HDAC4: variants seen among roughly 807,000 people sequenced by gnomAD.
HDAC4 encodes the protein histone deacetylase 4.
HDAC4 carries 16 observed loss-of-function variants against 135.1 expected under a neutral mutation model. The ratio of observed to expected loss-of-function variants is 0.12; its 90% confidence interval spans 0.08 to 0.18. The LOEUF (loss-of-function observed/expected upper bound fraction) is 0.18. HDAC4 is among the 10% of genes least tolerant of loss of function. The pLI is 1.00. For synonymous variants in HDAC4, 685 were observed against 653.4 expected (o/e 1.05, Z -0.74); for missense variants, 1,143 against 1,511.8 (o/e 0.76, Z 4.05).
At chr2:239,281,380 C>A (rs111162888) in intron 2 of HDAC4, among the ~76,000 whole-genome samples, 24 of 81,532 alleles carry the variant, frequency 2.9e-4, no homozygotes, top group East Asian at 1.7e-3. Flanking sequence ...CTCTACACAC[C>A]ATGTACATGC....
At chr2:239,323,152 T>A (rs1000841081) in intron 2 of HDAC4, among the ~76,000 whole-genome samples, 2 of 152,116 alleles carry the variant, frequency 1.3e-5, no homozygotes, top group African/African-American at 4.8e-5. Flanking sequence ...AAAATTTAAG[T>A]CCCATTAACA....
rs1232552702 is a variant in HDAC4, at chr2:239,053,110, T to G, written c.3257A>C (p.Glu1086Ala). Reference sequence around the variant, plus strand: ...TTCGAGGGAGTGCTACAGGGGCGGCTCCTCTTCCATGGGCTCCTCATCTGG... The same window carrying G: ...TTCGAGGGAGTGCTACAGGGGCGGCGCCTCTTCCATGGGCTCCTCATCTGG... Reference protein sequence around the residue: ...KRPDEEPMEEEPPL With the variant: ...KRPDEEPMEEAPPL The change falls in exon 27 of 27, where the codon GAG becomes GCG. Residue 1086 changes from glutamate to alanine, a missense_variant. Glu to Ala is a moderately radical substitution (Grantham distance 107, BLOSUM62 -1). Coordinates refer to ENST00000543185, the MANE Select transcript of HDAC4 (RefSeq NM_001378414.1). 2 of 1,613,984 alleles carry G rather than the reference T, an allele frequency of 1.2e-6. No individual in the cohort carries two copies. The highest frequency in any genetic ancestry group is 1.7e-5 in the Admixed American group (1 of 59,996).
At chr2:239,149,607 G>A (rs1268498419) in intron 7 of HDAC4, among the ~76,000 whole-genome samples, 1 of 152,158 alleles carries the variant, frequency 6.6e-6, no homozygotes, top group Non-Finnish European at 1.5e-5. Context: ...GGCTCCAGAT[G>A]CTGGGCACAG....
At chr2:239,356,087 T>C (rs560842953) in intron 1 of HDAC4, among the ~76,000 whole-genome samples, 41 of 152,354 alleles carry the variant, frequency 2.7e-4, no homozygotes, top group Non-Finnish European at 4.8e-4. Context: ...AAAACTATGC[T>C]ATTTCATCAC....
At chr2:239,369,048 T>C (rs916370234) in intron 1 of HDAC4, among the ~76,000 whole-genome samples, 3 of 151,556 alleles carry the variant, frequency 2.0e-5, no homozygotes, top group African/African-American at 7.3e-5. Context: ...TGCAGGAAGG[T>C]GACAAAGGAC....
At chr2:239,116,916 G>A (rs1157902420) in intron 12 of HDAC4, among the ~76,000 whole-genome samples, 1 of 152,174 alleles carries the variant, frequency 6.6e-6, no homozygotes, top group African/African-American at 2.4e-5. Context: ...ATAGGGCAAT[G>A]TGCCCTCCTC....
At chr2:239,185,495 G>A (rs1447541459) in intron 4 of HDAC4, among the ~76,000 whole-genome samples, 1 of 151,772 alleles carries the variant, frequency 6.6e-6, no homozygotes, top group Non-Finnish European at 1.5e-5. Flanking sequence ...GGGGTGCCCC[G>A]TGTTTCCTAG....
At chr2:239,179,557 CCT>C (rs952468155) in intron 4 of HDAC4, among the ~76,000 whole-genome samples, 4 of 152,306 alleles carry the variant, frequency 2.6e-5, no homozygotes, top group African/African-American at 4.8e-5. Context: ...GTCCCCCACC[CCT>C]GTCCACAGAA....
At chr2:239,260,778 C>A (rs1196292870) in intron 2 of HDAC4, among the ~76,000 whole-genome samples, 1 of 152,206 alleles carries the variant, frequency 6.6e-6, no homozygotes, top group Non-Finnish European at 1.5e-5. Flanking sequence ...GGCCCGAGCG[C>A]TGCCTCTCTT....
chr2:239,127,425 C>T (rs912479378), intron 11 of HDAC4, among the ~76,000 whole-genome samples: 2 of 152,154 alleles, frequency 1.3e-5, no homozygotes, highest in Non-Finnish European at 2.9e-5. Flanking sequence ...TAGTGAAGTA[C>T]ATTTTTTCCT....
intron 1 of HDAC4, among the ~76,000 whole-genome samples, chr2:239,393,594 C>T (rs528999802): frequency 7.9e-5 from 12 of 152,120 alleles, no homozygotes; most frequent in Middle Eastern, 3.4e-3. Context: ...AGGACCACAC[C>T]CCATTCCCAC....
intron 19 of HDAC4, 47 bp downstream of exon 19, chr2:239,087,512 G>A (rs1253825076): frequency 1.3e-6 from 2 of 1,584,812 alleles, no homozygotes; most frequent in Non-Finnish European, 8.6e-7. Flanking sequence ...AGGGAGGGAA[G>A]GAAGACCTGG....
rs2106349132 is a variant in HDAC4 at position 239,049,145 on chromosome 2, T to C, written c.*3952A>G. On this transcript the variant is annotated 3_prime_UTR_variant, in exon 27 of 27. Transcript: ENST00000543185. The stretch of plus-strand genomic sequence containing the variant: ...AACTCTATTATTGGTATGTCACAAG[T>C]GCTAGATAAACTTTTTTTCTTAATA... The C allele has an allele frequency of 6.6e-6, 1 of 152,530 alleles. No homozygotes were observed. Among genetic ancestry groups the C allele is most frequent in the African/African-American group, 2.4e-5 (1 of 41,592 alleles). The allele number at this position is 152,530 out of a possible 1,614,324, so 9.4% of individuals were successfully genotyped here. A position where few individuals can be genotyped will look rare whatever the true frequency, so the allele number is the denominator to read the frequency against.
intron 2 of HDAC4, among the ~76,000 whole-genome samples, chr2:239,270,257 G>A (rs1196433191): frequency 6.6e-6 from 1 of 152,204 alleles, no homozygotes. Flanking sequence ...ATGGATGACG[G>A]AAACAGAAAA....
intron 12 of HDAC4, among the ~76,000 whole-genome samples, chr2:239,116,323 C>T (rs1389146226): frequency 3.4e-5 from 5 of 149,174 alleles, no homozygotes; most frequent in East Asian, 1.9e-4. Flanking sequence ...CAATGCCGAA[C>T]GCAGGGCAGC....
intron 1 of HDAC4, among the ~76,000 whole-genome samples, chr2:239,374,327 A>C (rs540362788): frequency 6.6e-6 from 1 of 150,822 alleles, no homozygotes; most frequent in African/African-American, 2.4e-5. Context: ...TGATGCCGAC[A>C]ATGATGACGA....
intron 1 of HDAC4, among the ~76,000 whole-genome samples, chr2:239,385,152 A>G (rs1356636321): frequency 1.3e-5 from 2 of 152,206 alleles, no homozygotes; most frequent in African/African-American, 4.8e-5. Context: ...GGAGGCCCAT[A>G]GCCCCTGACT....
Position 239,084,169 on chromosome 2 carries a change from G to A in HDAC4, c.2518C>T (p.Leu840Phe). 5 of 1,613,156 alleles carry A rather than the reference G, an allele frequency of 3.1e-6. No homozygotes were observed. Among genetic ancestry groups the A allele is most frequent in the Admixed American group, 1.7e-5 (1 of 59,956 alleles). The change falls in exon 20 of 27, where the codon CTC becomes TTC. Residue 840 changes from leucine to phenylalanine, a missense_variant. Leu to Phe is a conservative substitution (Grantham distance 22). Around this residue, in one of 9 missense-constraint regions of HDAC4, gnomAD observed 189 missense variants for 317.6 expected, o/e 0.60. Coordinates refer to ENST00000543185, the MANE Select transcript of HDAC4 (RefSeq NM_001378414.1). Reference sequence around the variant, plus strand: ...GCTCTGCTTACCCAGTCCACGATGAGGATCTTGCTCACGCTCAACCTCTGC... The same window carrying A: ...GCTCTGCTTACCCAGTCCACGATGAAGATCTTGCTCACGCTCAACCTCTGC... ...LQQRLSVSKILIVDWDVHHGN... is the reference protein window; with the variant it reads ...LQQRLSVSKIFIVDWDVHHGN...
intron 2 of HDAC4, among the ~76,000 whole-genome samples, chr2:239,281,495 T>A (rs1200499315): frequency 8.6e-6 from 1 of 116,314 alleles, no homozygotes; most frequent in African/African-American, 3.7e-5. Flanking sequence ...CTCTACAATG[T>A]ACACACCATG....
Sources: allele counts gnomAD v4.1 joint callset (sites outside exome capture counted in the v4.1 genomes callset), GRCh38; gene constraint gnomAD v4.1.1; regional missense constraint gnomAD v4.1.1; transcripts MANE v1.5; gene names NCBI Gene and HGNC (gene_info 2026-07-23, HGNC 2026-07-21).